The following FOXN3 variants were observed in gnomAD, a reference collection of about 807,000 sequenced individuals.
The protein encoded by FOXN3 is forkhead box N3.
In FOXN3, 7 loss-of-function variants were observed where a neutral mutation model predicts 38.4. The observed-to-expected ratio is 0.18, with a 90% CI of 0.10 to 0.34. FOXN3 has a LOEUF of 0.34. Ranked by LOEUF, FOXN3 falls within the 10% of genes least tolerant of loss-of-function variation. The pLI, the probability that FOXN3 is intolerant of heterozygous loss-of-function variation, is 1.00. For missense variants in FOXN3, 456 were observed against 613.4 expected, an observed-to-expected ratio of 0.74 and a Z score of 2.71; for synonymous variants, 230 against 242.2, an observed-to-expected ratio of 0.95 and a Z score of 0.47.
At chr14:89,296,745 C>T (rs372796622) in intron 3 of FOXN3, among the ~76,000 whole-genome samples, 1 of 152,238 alleles carries the variant, frequency 6.6e-6, no homozygotes, top group East Asian at 1.9e-4. Flanking sequence ...AAGCGATTCT[C>T]CTGCCTCAGC....
intron 4 of FOXN3, among the ~76,000 whole-genome samples, chr14:89,196,475 T>C (rs565723451): frequency 6.6e-6 from 1 of 152,306 alleles, no homozygotes; most frequent in East Asian, 1.9e-4. Context: ...GGCTGCAGAC[T>C]TGGAAGGGGC....
intron 1 of FOXN3, among the ~76,000 whole-genome samples, chr14:89,531,133 CAT>C (rs1596309097): frequency 6.7e-6 from 1 of 148,670 alleles, no homozygotes; most frequent in African/African-American, 2.5e-5. Context: ...TATATATACA[CAT>C]ATATGTATTA....
chr14:89,340,172 T>C (rs1022268602), intron 3 of FOXN3, among the ~76,000 whole-genome samples: 1 of 152,130 alleles, frequency 6.6e-6, no homozygotes, highest in Non-Finnish European at 1.5e-5. Context: ...TCTGAATGTG[T>C]TTTTCCCATT....
At chr14:89,354,379 C>G (rs1889110728) in intron 2 of FOXN3, among the ~76,000 whole-genome samples, 1 of 150,796 alleles carries the variant, frequency 6.6e-6, no homozygotes, top group Non-Finnish European at 1.5e-5. Flanking sequence ...GCACCCGCCA[C>G]CACGCCCGGC....
chr14:89,370,395 T>C (rs2140055308), intron 2 of FOXN3, among the ~76,000 whole-genome samples: 1 of 152,368 alleles, frequency 6.6e-6, no homozygotes, highest in East Asian at 1.9e-4. Flanking sequence ...TCTTTGGGGT[T>C]GCCCCCATGA....
At chr14:89,307,738 G>C (rs1887420716) in intron 3 of FOXN3, among the ~76,000 whole-genome samples, 1 of 152,092 alleles carries the variant, frequency 6.6e-6, no homozygotes, top group Admixed American at 6.5e-5. Flanking sequence ...ATGGTGAGAG[G>C]AACCATCCTT....
chr14:89,234,122 A>G (rs2066683894), intron 4 of FOXN3, among the ~76,000 whole-genome samples: 1 of 152,164 alleles, frequency 6.6e-6, no homozygotes, highest in Non-Finnish European at 1.5e-5. Context: ...GCACATCTAA[A>G]CTGCTCTGAA....
intron 1 of FOXN3, among the ~76,000 whole-genome samples, chr14:89,452,135 G>T (rs72703658): frequency 0.18 from 27,374 of 152,084 alleles, 2,716 homozygotes; most frequent in Middle Eastern, 0.28. Flanking sequence ...CCCTACAACA[G>T]GCTGGGGGGA....
chr14:89,495,349 T>C (rs571885624), intron 1 of FOXN3, among the ~76,000 whole-genome samples: 1 of 152,318 alleles, frequency 6.6e-6, no homozygotes, highest in East Asian at 1.9e-4. Flanking sequence ...CTAGAAAAGA[T>C]GAGCAAACTT....
chr14:89,211,374 G>C (rs1302795229), intron 4 of FOXN3, among the ~76,000 whole-genome samples: 1 of 152,192 alleles, frequency 6.6e-6, no homozygotes, highest in Non-Finnish European at 1.5e-5. Flanking sequence ...TCTCTCTCTG[G>C]ATGTGGACAG....
At chr14:89,479,920 G>GA (rs1370840863) in intron 1 of FOXN3, among the ~76,000 whole-genome samples, 1 of 152,186 alleles carries the variant, frequency 6.6e-6, no homozygotes, top group Non-Finnish European at 1.5e-5. Flanking sequence ...CAGTCCTTCA[G>GA]AAAGTTTCCG....
intron 2 of FOXN3, among the ~76,000 whole-genome samples, chr14:89,367,716 G>A (rs1890198588): frequency 6.6e-6 from 1 of 152,156 alleles, no homozygotes; most frequent in Non-Finnish European, 1.5e-5. Flanking sequence ...TACCCAGAAA[G>A]ACCAACTGAC....
intron 4 of FOXN3, among the ~76,000 whole-genome samples, chr14:89,191,200 T>A (rs1887933078): frequency 6.6e-6 from 1 of 152,224 alleles, no homozygotes; most frequent in African/African-American, 2.4e-5. Context: ...TATCCTTTTA[T>A]AACTAAATTC....
In FOXN3 at chr14:89,170,668, C is replaced by A. The variant is rs1367795414; in HGVS notation, c.852-7699G>T. On this transcript the variant is annotated intron_variant, in intron 5 of 5. Coordinates refer to ENST00000557258, the MANE Select transcript of FOXN3 (RefSeq NM_005197.4). Reference sequence around the variant, plus strand: ...ATAATGTACAGATAAATTCTCTGACCACAATGTATTCAAATTAATAGTCAA... The same window carrying A: ...ATAATGTACAGATAAATTCTCTGACAACAATGTATTCAAATTAATAGTCAA... Among the ~76,000 whole-genome samples, 35 of 152,090 alleles carry A rather than the reference C, an allele frequency of 2.3e-4. 2 individuals are homozygous for A. The highest frequency in any genetic ancestry group is 2.3e-3 in the Admixed American group (35 of 15,276).
At chr14:89,457,306 C>T (rs1596281535) in intron 1 of FOXN3, among the ~76,000 whole-genome samples, 1 of 152,194 alleles carries the variant, frequency 6.6e-6, no homozygotes, top group Admixed American at 6.5e-5. Flanking sequence ...AGCAGGTGTG[C>T]AAGCCATTCT....
chr14:89,510,120 T>G (rs1894026349), intron 1 of FOXN3, among the ~76,000 whole-genome samples: 1 of 151,930 alleles, frequency 6.6e-6, no homozygotes, highest in Admixed American at 6.6e-5. Context: ...TGGGGGAAGA[T>G]TAGAGAAAAG....
At chr14:89,511,873 G>A (rs1894100213) in intron 1 of FOXN3, among the ~76,000 whole-genome samples, 1 of 152,162 alleles carries the variant, frequency 6.6e-6, no homozygotes, top group Non-Finnish European at 1.5e-5. Flanking sequence ...TAAGTGCCCA[G>A]CAAAGGAGGA....
At chr14:89,572,088 T>C (rs1405030557) in intron 1 of FOXN3, among the ~76,000 whole-genome samples, 1 of 152,248 alleles carries the variant, frequency 6.6e-6, no homozygotes, top group East Asian at 1.9e-4. Flanking sequence ...CATTACTCCA[T>C]ATCTATTATT....
chr14:89,441,925 T>G (rs1892393276), intron 1 of FOXN3, among the ~76,000 whole-genome samples: 1 of 141,206 alleles, frequency 7.1e-6, no homozygotes, highest in Non-Finnish European at 1.5e-5. Flanking sequence ...CGGCTGACTT[T>G]TTTTTTTTTT....
Sources: gnomAD v4.1 joint callset for allele counts (sites outside exome capture counted in the v4.1 genomes callset) on GRCh38, gnomAD v4.1.1 for gene constraint, MANE v1.5 for transcripts, NCBI Gene and HGNC (gene_info 2026-07-23, HGNC 2026-07-21) for gene names.